The following MYO1F variants were observed in gnomAD, a reference collection of about 807,000 sequenced individuals.
MYO1F encodes myosin IF, also known as unconventional myosin-If.
A neutral mutation model predicts 146.6 loss-of-function variants in MYO1F; 60 were observed. The ratio of observed to expected loss-of-function variants is 0.41; its 90% CI spans 0.33 to 0.51. MYO1F has a LOEUF of 0.51. Among genes scored for constraint, MYO1F ranks in the 20% least tolerant of loss-of-function variants. The pLI is 0.25. For missense variants in MYO1F, 1,274 were observed against 1,534.3 expected, an observed-to-expected ratio of 0.83 and a Z score of 2.83; for synonymous variants, 602 against 602.1, an observed-to-expected ratio of 1.00 and a Z score of 0.00.
chr19:8,552,990 G>T lies in MYO1F; in HGVS notation c.504+149C>A, dbSNP rs1599996312. On this transcript the variant is annotated intron_variant, in intron 6 of 27. Coordinates refer to ENST00000644032, the MANE Select transcript of MYO1F (RefSeq NM_012335.4). ...TTTTGAAAGGGACCATGAGCAGGAA[G>T]TGAGTCTCCCCTTCAGGAGTAGGTA... 2.4e-5 allele frequency: 19 copies of T among 776,334 alleles called. No homozygotes were observed. In the East Asian group the frequency reaches 4.9e-4, roughly 20 times the overall value. The allele number at this position is 776,334 out of a possible 1,614,324, so 48.1% of individuals were successfully genotyped here.
In MYO1F at chr19:8,539,994, C is replaced by G; in HGVS notation, c.1645G>C (p.Asp549His). Residue 549 changes from aspartate to histidine, a missense_variant, in exon 16 of 28, where the codon GAT (aspartate) becomes CAT (histidine). By Grantham distance (81) the Asp-to-His change is moderately conservative (BLOSUM62 -1). Transcript: ENST00000644032. ...FLRMLFPEKL[D>H]GDKKGRPSTA... is the part of the protein sequence containing the mutation. Reference sequence around the variant, plus strand: ...CTGGGGCGCCCCTTCTTGTCTCCATCCAGCTTCTCGGGGAAGAGCATCCGG... The same window carrying G: ...CTGGGGCGCCCCTTCTTGTCTCCATGCAGCTTCTCGGGGAAGAGCATCCGG... The G allele has an allele frequency of 6.2e-7, 1 of 1,612,210 alleles. No homozygotes were observed. Among genetic ancestry groups the G allele is most frequent in the African/African-American group, 1.3e-5 (1 of 74,984 alleles).
intron 1 of MYO1F, among the ~76,000 whole-genome samples, chr19:8,559,336 T>TGG (rs1156978401): frequency 0.012 from 264 of 21,842 alleles, 2 homozygotes; most frequent in Non-Finnish European, 0.022. Context: ...CTTGAGGGGG[T>TGG]GGGGGGTGGG....
chr19:8,555,920 A>G (rs1289921849), intron 1 of MYO1F, 124 bp from the exon 2 acceptor site: 2 of 1,027,842 alleles, frequency 1.9e-6, no homozygotes, highest in Non-Finnish European at 2.7e-6. Flanking sequence ...CTCCTTCCCC[A>G]TCTCCAGGAG....
At chr19:8,558,658 G>C (rs1201946801) in intron 1 of MYO1F, among the ~76,000 whole-genome samples, 1 of 152,112 alleles carries the variant, frequency 6.6e-6, no homozygotes, top group Non-Finnish European at 1.5e-5. Context: ...TAGTCTGACA[G>C]ATAGGAGTGA....
chr19:8,538,206 T>A (rs1332856712), intron 16 of MYO1F, among the ~76,000 whole-genome samples: 1 of 150,620 alleles, frequency 6.6e-6, no homozygotes, highest in African/African-American at 2.4e-5. Context: ...CCTCAGGTGA[T>A]CCACCTGCCT....
chr19:8,574,904 C>T (rs782365203), intron 1 of MYO1F, among the ~76,000 whole-genome samples: 3 of 149,714 alleles, frequency 2.0e-5, no homozygotes, highest in Non-Finnish European at 4.4e-5. Context: ...TACAGGCGCG[C>T]ACCACCACGA....
At chr19:8,546,788 C>T (rs1973377281) in intron 12 of MYO1F, among the ~76,000 whole-genome samples, 1 of 152,252 alleles carries the variant, frequency 6.6e-6, no homozygotes, top group Middle Eastern at 3.4e-3. Flanking sequence ...AAGCAATTCT[C>T]CTGCCTCAGA....
chr19:8,568,813 C>T (rs376969800), intron 1 of MYO1F, among the ~76,000 whole-genome samples: 36 of 152,016 alleles, frequency 2.4e-4, no homozygotes, highest in Middle Eastern at 3.4e-3. Context: ...CTTAGCTATC[C>T]GGGAGGCTGA....
Position 8,577,193 on chromosome 19 carries a change from A to T in MYO1F, c.3+114T>A. The T allele has an allele frequency of 3.1e-6, 4 of 1,274,392 alleles. No individual in the cohort carries two copies. The highest frequency in any genetic ancestry group is 4.5e-6 in the Non-Finnish European group (4 of 894,274). The allele number at this position is 1,274,392 out of a possible 1,614,324, so 78.9% of individuals were successfully genotyped here. On this transcript the variant is annotated intron_variant, in intron 1 of 27. Transcript: ENST00000644032. This position sits in a 1 kb window ranked among gnomAD's most constrained non-coding sequence, Gnocchi z 4.3. ...CTGAGAGACACCCCACCCCCACAGAAGTCCACCATGCCCCTCCCCTCACCC... is the reference window on the plus strand; with the variant it reads ...CTGAGAGACACCCCACCCCCACAGATGTCCACCATGCCCCTCCCCTCACCC...
At chr19:8,526,957 C>T (rs1186172799) in intron 22 of MYO1F, 22 bp from the exon 23 acceptor site, 2 of 1,612,534 alleles carry the variant, frequency 1.2e-6, no homozygotes, top group Non-Finnish European at 1.7e-6. Flanking sequence ...CGGGTGAGAG[C>T]GTCAGGTGGG....
At chr19:8,528,083 G>A (rs1006443272) in intron 21 of MYO1F, among the ~76,000 whole-genome samples, 6 of 152,056 alleles carry the variant, frequency 3.9e-5, no homozygotes, top group Non-Finnish European at 8.8e-5. Context: ...TTAGCTGGGC[G>A]AGGTGGTGGG....
At position 8,530,523 on chromosome 19, in the gene MYO1F, T is replaced by G. The variant is rs1483532722; in HGVS notation, c.2094A>C (p.Arg698=). Residue 698 remains arginine, a synonymous_variant, in exon 20 of 28, where the codon CGA becomes CGC. Transcript: ENST00000644032. This position sits in a 1 kb window ranked among gnomAD's most constrained non-coding sequence, Gnocchi z 5.8. ...GGCGCCGCCAGGCCTTCTGGATGGT[T>G]CGGGCAAAGCCATCGAACTTTCGCT... ...VRERKFDGFA[R]TIQKAWRRHV... 5.6e-6 allele frequency: 9 copies of G among 1,613,494 alleles called. No individual in the cohort carries two copies. The highest frequency in any genetic ancestry group is 2.7e-5 in the African/African-American group (2 of 74,906).
chr19:8,535,273 T>C (rs112788465), intron 19 of MYO1F, among the ~76,000 whole-genome samples: 5,168 of 152,282 alleles, frequency 0.034, 182 homozygotes, highest in African/African-American at 0.094. Context: ...CTGTCTTTGT[T>C]GTTGATGTTC....
chr19:8,540,135 C>G, intron 15 of MYO1F, 107 bp from the exon 16 acceptor site: 1 of 830,686 alleles, frequency 1.2e-6, no homozygotes. Context: ...ATATGGTTCT[C>G]TCAATGTGGA....
intron 6 of MYO1F, 75 bp downstream of exon 6, chr19:8,553,064 T>C (rs1274049037): frequency 2.2e-6 from 3 of 1,335,756 alleles, no homozygotes; most frequent in Non-Finnish European, 3.2e-6. Context: ...TACGGGTGTG[T>C]GTATGTGTGG....
chr19:8,546,283 C>G (rs1220889207), intron 12 of MYO1F, among the ~76,000 whole-genome samples: 6 of 151,696 alleles, frequency 4.0e-5, no homozygotes, highest in Non-Finnish European at 7.4e-5. Context: ...AGGCTGGTCT[C>G]GAACTCCCAA....
At chr19:8,548,433 G>C (rs1220113513) in intron 10 of MYO1F, 116 bp from the exon 11 acceptor site, 2 of 916,242 alleles carry the variant, frequency 2.2e-6, no homozygotes, top group Non-Finnish European at 1.8e-6. Flanking sequence ...CCTCATGCCA[G>C]TTTCCCTCCA....
rs750731175 is a variant in MYO1F, at chr19:8,522,733, G to C, written c.2951C>G (p.Pro984Arg). ...GGGTHRPPRGPPSTSLGASRR... is the reference protein window; with the variant it reads ...GGGTHRPPRGRPSTSLGASRR... Reference sequence around the variant, plus strand: ...GCTGGCTCCCAGGGATGTGGACGGAGGGCCCCGGGGAGGCCTGTGGGTGCC... The same window carrying C: ...GCTGGCTCCCAGGGATGTGGACGGACGGCCCCGGGGAGGCCTGTGGGTGCC... Residue 984 changes from proline (P) to arginine (R), a missense_variant, in exon 26 of 28, where the codon CCT becomes CGT. Transcript: ENST00000644032. The C allele has an allele frequency of 6.2e-7, 1 of 1,613,040 alleles. No homozygotes were observed. The highest frequency in any genetic ancestry group is 8.5e-7 in the Non-Finnish European group (1 of 1,179,814).
chr19:8,548,453 A>T (rs1973464315), intron 10 of MYO1F, 136 bp from the exon 11 acceptor site: 1 of 778,118 alleles, frequency 1.3e-6, no homozygotes, highest in Non-Finnish European at 2.2e-6. Context: ...AGCCCTCTTT[A>T]GCTCTGCCCT....
Sources: allele counts gnomAD v4.1 joint callset (sites outside exome capture counted in the v4.1 genomes callset), GRCh38; gene constraint gnomAD v4.1.1; non-coding constraint Gnocchi (gnomAD v3.1); transcripts MANE v1.5; gene names NCBI Gene and HGNC (gene_info 2026-07-23, HGNC 2026-07-21).